The following COL9A2 variants were observed in gnomAD, a reference collection of about 807,000 sequenced individuals.
COL9A2 encodes the protein collagen type IX alpha 2 chain, also known as collagen alpha-2(IX) chain.
In COL9A2, 66 loss-of-function variants were observed where a neutral mutation model predicts 111.6. The observed-to-expected ratio is 0.59, with a 90% CI of 0.48 to 0.73. The LOEUF (loss-of-function observed/expected upper bound fraction) is 0.73. Ranked by LOEUF, COL9A2 falls within the 30% of genes least tolerant of loss-of-function variation. The pLI is 0.00. For missense variants in COL9A2, 881 were observed against 954.1 expected (o/e 0.92, Z 1.01); for synonymous variants, 353 against 364.1 (o/e 0.97, Z 0.35).
At position 40,302,826 on chromosome 1, in the gene COL9A2, AGGGAG is replaced by A; in HGVS notation, c.1604-22_1604-18del. On this transcript the variant is annotated intron_variant, in intron 29 of 31. Coordinates refer to ENST00000372748, the MANE Select transcript of COL9A2 (RefSeq NM_001852.4). The surrounding 1 kb of genome is among the most constrained non-coding windows in gnomAD (Gnocchi z 4.5). ...CCAGTTGCTCTGGAGGGAGGGAGGGAGGGAGGGAGAGGGAAGTCTATGAGATGGGT... is the reference window on the plus strand; with the variant it reads ...CCAGTTGCTCTGGAGGGAGGGAGGGAGGAGAGGGAAGTCTATGAGATGGGT... 1 of 477,186 alleles carries A rather than the reference AGGGAG, an allele frequency of 2.1e-6. No homozygotes were observed. Among genetic ancestry groups the A allele is most frequent in the Non-Finnish European group, 4.2e-6 (1 of 240,406 alleles). 29.6% of individuals were successfully genotyped at this position (477,186 alleles called of 1,614,324 possible).
In COL9A2 at chr1:40,303,819, C is replaced by T; in HGVS notation, c.1389G>A (p.Gly463=). 2 of 1,562,336 alleles carry T rather than the reference C, an allele frequency of 1.3e-6. No homozygotes were observed. The highest frequency in any genetic ancestry group is 1.7e-6 in the Non-Finnish European group (2 of 1,154,562). Residue 463 remains glycine (G), a synonymous_variant, in exon 27 of 32, where the codon GGG becomes GGA. Coordinates refer to ENST00000372748, the MANE Select transcript of COL9A2 (RefSeq NM_001852.4). The surrounding 1 kb of genome is among the most constrained non-coding windows in gnomAD (Gnocchi z 4.6). ...KGEKGESGEP[G]PKGQQGVRGE... ...GGGGAGGACTCACCTGTCCCTTGGGCCCCGGCTCGCCGGACTCGCCCTGCA... is the reference window on the plus strand; with the variant it reads ...GGGGAGGACTCACCTGTCCCTTGGGTCCCGGCTCGCCGGACTCGCCCTGCA...
Position 40,314,278 on chromosome 1 carries a change from G to C in COL9A2, c.187-11C>G. The C allele has an allele frequency of 6.2e-7, 1 of 1,614,220 alleles. No homozygotes were observed. Among genetic ancestry groups the C allele is most frequent in the Non-Finnish European group, 8.5e-7 (1 of 1,180,048 alleles). The stretch of plus-strand genomic sequence containing the variant: ...CTCGCCCTTGGGTCCCTTGAAAACA[G>C]AGATGGAACAAACATGAGCCAGAGG... On this transcript the variant is annotated splice_polypyrimidine_tract_variant and intron_variant, in intron 3 of 31. Coordinates refer to ENST00000372748, the MANE Select transcript of COL9A2 (RefSeq NM_001852.4). This position sits in a 1 kb window ranked among gnomAD's most constrained non-coding sequence, Gnocchi z 4.1.
At chr1:40,308,765 G>A (rs761959487) in intron 16 of COL9A2, among the ~76,000 whole-genome samples, 22 of 152,282 alleles carry the variant, frequency 1.4e-4, no homozygotes, top group South Asian at 6.2e-4. Context: ...GAGATGATAG[G>A]ATGTTAAGGA....
chr1:40,307,598 A>T lies in COL9A2; in HGVS notation c.955-99T>A. 4 of 1,585,364 alleles carry T rather than the reference A, an allele frequency of 2.5e-6. No individual in the cohort carries two copies. The highest frequency in any genetic ancestry group is 3.5e-6 in the Non-Finnish European group (4 of 1,158,116). On this transcript the variant is annotated intron_variant, in intron 18 of 31. Transcript: ENST00000372748. This position sits in a 1 kb window ranked among gnomAD's most constrained non-coding sequence, Gnocchi z 4.8. ...GTAGGGAAACTGAGATCCAGAGGCAAGAAAGGGCATGTCCATGACCTGAGG... is the reference window on the plus strand; with the variant it reads ...GTAGGGAAACTGAGATCCAGAGGCATGAAAGGGCATGTCCATGACCTGAGG...
chr1:40,308,979 C>T (rs754843990), intron 16 of COL9A2, among the ~76,000 whole-genome samples: 8 of 152,200 alleles, frequency 5.3e-5, no homozygotes, highest in Non-Finnish European at 1.0e-4. Flanking sequence ...GGCGTGTTGG[C>T]TCACACCTGT....
intron 4 of COL9A2, among the ~76,000 whole-genome samples, chr1:40,313,776 G>A (rs2124099508): frequency 6.6e-6 from 1 of 152,278 alleles, no homozygotes; most frequent in East Asian, 1.9e-4. Context: ...GGCCCCCTGG[G>A]AGCTCTGTGG....
At position 40,315,596 on chromosome 1, in the gene COL9A2, G is replaced by A. The variant is rs1283666982; in HGVS notation, c.144C>T (p.Gly48=). 3.9e-6 allele frequency: 6 copies of A among 1,551,974 alleles called. No homozygotes were observed. The highest frequency in any genetic ancestry group is 2.0e-5 in the Admixed American group (1 of 51,004). The change falls in exon 2 of 32, where the codon GGC becomes GGT. Residue 48 remains glycine (G), a synonymous_variant. Coordinates refer to ENST00000372748, the MANE Select transcript of COL9A2 (RefSeq NM_001852.4). ...PGPPGVPGSD[G]IDGDNGPPGK... is the part of the protein sequence containing the mutation. Reference sequence around the variant, plus strand: ...TCTCAGGTTAGAGACTTACGTCGATGCCGTCGGATCCAGGCACTCCCGGCG... The same window carrying A: ...TCTCAGGTTAGAGACTTACGTCGATACCGTCGGATCCAGGCACTCCCGGCG...
At position 40,314,088 on chromosome 1, in the gene COL9A2, T is replaced by C. The variant is rs1644176419; in HGVS notation, c.249+117A>G. ...TATCAAGGTGAGGGGGGCTCACAGCTGGAGAATCTCCATCCTGCTGCCCAT... is the reference window on the plus strand; with the variant it reads ...TATCAAGGTGAGGGGGGCTCACAGCCGGAGAATCTCCATCCTGCTGCCCAT... On this transcript the variant is annotated intron_variant, in intron 4 of 31. Coordinates refer to ENST00000372748, the MANE Select transcript of COL9A2 (RefSeq NM_001852.4). The surrounding 1 kb of genome is among the most constrained non-coding windows in gnomAD (Gnocchi z 4.1). The C allele has an allele frequency of 1.8e-6, 2 of 1,131,136 alleles. No individual in the cohort carries two copies. The highest frequency in any genetic ancestry group is 2.7e-6 in the Non-Finnish European group (2 of 742,450). The allele number at this position is 1,131,136 out of a possible 1,614,324, so 70.1% of individuals were successfully genotyped here.
Position 40,311,738 on chromosome 1 carries a change from T to G in COL9A2, c.418-23A>C. Reference sequence around the variant, plus strand: ...CCCCTGGAAGCAAAAGAAGCCCAAATCATACCCCTGACCAGCCCTTACCAG... The same window carrying G: ...CCCCTGGAAGCAAAAGAAGCCCAAAGCATACCCCTGACCAGCCCTTACCAG... On this transcript the variant is annotated intron_variant, in intron 8 of 31. Transcript: ENST00000372748. The surrounding 1 kb of genome is among the most constrained non-coding windows in gnomAD (Gnocchi z 5.1). 9 of 1,613,048 alleles carry G rather than the reference T, an allele frequency of 5.6e-6. No individual in the cohort carries two copies. The highest frequency in any genetic ancestry group is 6.8e-6 in the Non-Finnish European group (8 of 1,179,738).
chr1:40,312,283 C>G lies in COL9A2; in HGVS notation c.364-171G>C. On this transcript the variant is annotated intron_variant, in intron 7 of 31. Coordinates refer to ENST00000372748, the MANE Select transcript of COL9A2 (RefSeq NM_001852.4). The surrounding 1 kb of genome is among the most constrained non-coding windows in gnomAD (Gnocchi z 6.0). Reference sequence around the variant, plus strand: ...CTTTAAGGACCAGAGAATTGCAGAGCCAGTGGACAGGCCCAGAGTGGGCTG... The same window carrying G: ...CTTTAAGGACCAGAGAATTGCAGAGGCAGTGGACAGGCCCAGAGTGGGCTG... 9.6e-7 allele frequency: 1 copy of G among 1,040,042 alleles called. No individual in the cohort carries two copies. Among genetic ancestry groups the G allele is most frequent in the African/African-American group, 1.6e-5 (1 of 62,034 alleles). The allele number at this position is 1,040,042 out of a possible 1,614,324, so 64.4% of individuals were successfully genotyped here. A position where few individuals can be genotyped will look rare whatever the true frequency, so the allele number is the denominator to read the frequency against.
At chr1:40,305,567 G>GA in intron 21 of COL9A2, 148 bp downstream of exon 21, 1 of 746,920 alleles carries the variant, frequency 1.3e-6, no homozygotes, top group South Asian at 1.7e-5. Flanking sequence ...TGTACATAGG[G>GA]AAACAGGCCC....
chr1:40,311,974 C>T lies in COL9A2; in HGVS notation c.417+85G>A. Reference sequence around the variant, plus strand: ...AGTTTCCCAGTGGCCAGGAGCAGGCCCAGGAACTTCCAGAAAGACCACCCA... The same window carrying T: ...AGTTTCCCAGTGGCCAGGAGCAGGCTCAGGAACTTCCAGAAAGACCACCCA... On this transcript the variant is annotated intron_variant, in intron 8 of 31. Transcript: ENST00000372748. The surrounding 1 kb of genome is among the most constrained non-coding windows in gnomAD (Gnocchi z 5.1). 1 of 1,417,374 alleles carries T rather than the reference C, an allele frequency of 7.1e-7. No individual in the cohort carries two copies. Among genetic ancestry groups the T allele is most frequent in the South Asian group, 1.2e-5 (1 of 81,620 alleles). The allele number at this position is 1,417,374 out of a possible 1,614,324, so 87.8% of individuals were successfully genotyped here.
In COL9A2 at chr1:40,312,816, G is replaced by C. The variant is rs930839789; in HGVS notation, c.250-32C>G. 6.2e-5 allele frequency: 95 copies of C among 1,541,922 alleles called. No individual in the cohort carries two copies. Among genetic ancestry groups the C allele is most frequent in the Non-Finnish European group, 8.2e-5 (93 of 1,139,830 alleles). Reference sequence around the variant, plus strand: ...AAGAATGAAAATGTAGGATCAATGAGGGCCAACCTGCTCCCTGACCCACAG... The same window carrying C: ...AAGAATGAAAATGTAGGATCAATGACGGCCAACCTGCTCCCTGACCCACAG... On this transcript the variant is annotated intron_variant, in intron 4 of 31. Coordinates refer to ENST00000372748, the MANE Select transcript of COL9A2 (RefSeq NM_001852.4). This position sits in a 1 kb window ranked among gnomAD's most constrained non-coding sequence, Gnocchi z 6.0.
intron 16 of COL9A2, 64 bp downstream of exon 16, chr1:40,309,874 G>A: frequency 6.5e-7 from 1 of 1,529,918 alleles, no homozygotes; most frequent in Non-Finnish European, 9.0e-7. Context: ...GCCTTAGGGG[G>A]TGCCTTGTCC....
chr1:40,301,323 T>C lies in COL9A2; in HGVS notation c.1929A>G (p.Pro643=), dbSNP rs758844390. The C allele has an allele frequency of 1.2e-6, 2 of 1,611,508 alleles. No homozygotes were observed. Among genetic ancestry groups the C allele is most frequent in the Non-Finnish European group, 1.7e-6 (2 of 1,178,286 alleles). The part of the protein sequence containing the change: ...INGKDGDRGS[P]GAPGEAGRPG... The stretch of plus-strand genomic sequence containing the variant: ...GTCGACCTGCCTCTCCTGGAGCCCC[T>C]GGGGACCCTCGATCTCCATCCTTGC... The change falls in exon 32 of 32, where the codon CCA becomes CCG. Residue 643 remains proline (P), a synonymous_variant. Coordinates refer to ENST00000372748, the MANE Select transcript of COL9A2 (RefSeq NM_001852.4).
In COL9A2 at chr1:40,310,207, C is replaced by T; in HGVS notation, c.739-43G>A. On this transcript the variant is annotated intron_variant, in intron 14 of 31. Coordinates refer to ENST00000372748, the MANE Select transcript of COL9A2 (RefSeq NM_001852.4). The surrounding 1 kb of genome is among the most constrained non-coding windows in gnomAD (Gnocchi z 4.9). ...TTGCAGGTCAGTCCTGGCTGAACTCCAGGGGCCAGAAGGCAGCTCCTGGAA... is the reference window on the plus strand; with the variant it reads ...TTGCAGGTCAGTCCTGGCTGAACTCTAGGGGCCAGAAGGCAGCTCCTGGAA... 2 of 1,614,014 alleles carry T rather than the reference C, an allele frequency of 1.2e-6. No individual in the cohort carries two copies. Among genetic ancestry groups the T allele is most frequent in the Non-Finnish European group, 1.7e-6 (2 of 1,179,858 alleles).
rs1398843530 is a variant in COL9A2 at position 40,316,853 on chromosome 1, G to A, written c.75+270C>T. Among the ~76,000 whole-genome samples the A allele has an allele frequency of 6.6e-6, 1 of 152,182 alleles. No individual in the cohort carries two copies. The highest frequency in any genetic ancestry group is 2.4e-5 in the African/African-American group (1 of 41,448). On this transcript the variant is annotated intron_variant, in intron 1 of 31. Transcript: ENST00000372748. This position sits in a 1 kb window ranked among gnomAD's most constrained non-coding sequence, Gnocchi z 5.5. ...GCTCCCCGGGCTGCCAGGACCGGGC[G>A]CCAGCTCCTGCCCCACGCTGCCTGT...
chr1:40,304,140 CT>C, intron 24 of COL9A2, 41 bp from the exon 25 acceptor site: 1 of 1,528,814 alleles, frequency 6.5e-7, no homozygotes, highest in Non-Finnish European at 8.8e-7. Flanking sequence ...GAGCTCCCCC[CT>C]CCACGGGGTC....
chr1:40,301,552 T>G (rs1001015047), intron 31 of COL9A2, among the ~76,000 whole-genome samples, 171 bp from the exon 32 acceptor site: 3 of 152,178 alleles, frequency 2.0e-5, no homozygotes, highest in African/African-American at 7.2e-5. Context: ...CAGCTCCCAA[T>G]CAGTGAGCTT....
Sources: allele counts gnomAD v4.1 joint callset (sites outside exome capture counted in the v4.1 genomes callset), GRCh38; gene constraint gnomAD v4.1.1; non-coding constraint Gnocchi (gnomAD v3.1); transcripts MANE v1.5; gene names NCBI Gene and HGNC (gene_info 2026-07-23, HGNC 2026-07-21).